SCAPER: variants seen among roughly 807,000 people sequenced by gnomAD.
The protein encoded by SCAPER is S phase cyclin A-associated protein in the endoplasmic reticulum.
In SCAPER, 98 loss-of-function variants were observed where a neutral mutation model predicts 182.2. The ratio of observed to expected loss-of-function variants is 0.54; its 90% CI spans 0.46 to 0.64. The LOEUF (loss-of-function observed/expected upper bound fraction) is 0.64. SCAPER is among the 30% of genes least tolerant of loss of function. The pLI is 0.00. For synonymous variants in SCAPER, 605 were observed against 564.6 expected (o/e 1.07, Z -1.01); for missense variants, 1,432 against 1,690.0 (o/e 0.85, Z 2.68).
intron 15 of SCAPER, among the ~76,000 whole-genome samples, chr15:76,733,637 C>A (rs1163427529): frequency 6.6e-6 from 1 of 151,844 alleles, no homozygotes; most frequent in Non-Finnish European, 1.5e-5. Context: ...GCCTGTAATC[C>A]CAGCTACTCG....
intron 23 of SCAPER, among the ~76,000 whole-genome samples, chr15:76,572,123 C>T (rs1342035749): frequency 6.6e-6 from 1 of 151,994 alleles, no homozygotes; most frequent in East Asian, 1.9e-4. Context: ...AGTAAATTGC[C>T]CCTTTGTGAA....
At chr15:76,491,662 T>C (rs1250373548) in intron 24 of SCAPER, among the ~76,000 whole-genome samples, 1 of 152,128 alleles carries the variant, frequency 6.6e-6, no homozygotes, top group Admixed American at 6.6e-5. Context: ...GAGACAATCT[T>C]GTTCTGTTGC....
intron 29 of SCAPER, among the ~76,000 whole-genome samples, chr15:76,367,457 T>C (rs2041886616): frequency 6.6e-6 from 1 of 152,214 alleles, no homozygotes; most frequent in Non-Finnish European, 1.5e-5. Flanking sequence ...GATAAAAGAT[T>C]CCTTCTGGCC....
intron 21 of SCAPER, among the ~76,000 whole-genome samples, chr15:76,651,757 A>G (rs1259014455): frequency 2.0e-5 from 3 of 151,598 alleles, no homozygotes; most frequent in Non-Finnish European, 4.4e-5. Context: ...ACCTCTCCCT[A>G]TCTCATTCTA....
chr15:76,504,826 A>G (rs536751924), intron 24 of SCAPER, 33 bp downstream of exon 24: 71 of 1,524,206 alleles, frequency 4.7e-5, no homozygotes, highest in Non-Finnish European at 5.9e-5. Flanking sequence ...TCACAAATGA[A>G]ACGTAAAAAA....
intron 17 of SCAPER, among the ~76,000 whole-genome samples, chr15:76,709,288 T>G (rs1337857153): frequency 6.6e-6 from 1 of 151,968 alleles, no homozygotes; most frequent in African/African-American, 2.4e-5. Context: ...CGTGCCACCA[T>G]GCACGCCCAG....
intron 21 of SCAPER, among the ~76,000 whole-genome samples, chr15:76,652,297 T>C (rs1167220776): frequency 1.1e-3 from 31 of 28,464 alleles, no homozygotes; most frequent in African/African-American, 3.1e-3. Flanking sequence ...TATATATATA[T>C]ATATATATAT....
At chr15:76,488,768 C>A (rs1457460867) in intron 24 of SCAPER, among the ~76,000 whole-genome samples, 1 of 109,988 alleles carries the variant, frequency 9.1e-6, no homozygotes, top group African/African-American at 3.5e-5. Flanking sequence ...CTCTTTTGCC[C>A]AGGCTGGAGT....
At chr15:76,405,680 A>G (rs1035765498) in intron 26 of SCAPER, among the ~76,000 whole-genome samples, 1 of 152,220 alleles carries the variant, frequency 6.6e-6, no homozygotes. Flanking sequence ...TAAAACTATA[A>G]AAGACCTTGT....
At chr15:76,552,922 A>G (rs533966548) in intron 23 of SCAPER, among the ~76,000 whole-genome samples, 8 of 152,254 alleles carry the variant, frequency 5.3e-5, no homozygotes, top group Admixed American at 3.3e-4. Context: ...GGCCGCTTCC[A>G]ATGTTCAACC....
chr15:76,428,866 C>CTATATATATATA (rs375991391), intron 26 of SCAPER, among the ~76,000 whole-genome samples: 1,235 of 79,820 alleles, frequency 0.015, 56 homozygotes, highest in African/African-American at 0.022. Context: ...GATCATTATA[C>CTATATATATATA]TATATATATA....
intron 14 of SCAPER, 74 bp downstream of exon 14, chr15:76,764,887 C>A: frequency 1.3e-6 from 1 of 796,202 alleles, no homozygotes; most frequent in Non-Finnish European, 2.0e-6. Context: ...TAGCTTCTCT[C>A]AGACCAGAAG....
At chr15:76,747,663 AG>A (rs1298534786) in intron 15 of SCAPER, among the ~76,000 whole-genome samples, 6 of 152,008 alleles carry the variant, frequency 3.9e-5, no homozygotes, top group Non-Finnish European at 7.4e-5. Flanking sequence ...TTCCTGCAAA[AG>A]TTCCCTCAAG....
chr15:76,665,706 C>T lies in SCAPER; in HGVS notation c.2592G>A (p.Glu864=). The change falls in exon 21 of 32, where the codon GAG becomes GAA. Residue 864 remains glutamate (E), a synonymous_variant. Coordinates refer to ENST00000563290, the MANE Select transcript of SCAPER (RefSeq NM_020843.4). The part of the protein sequence containing the change: ...APAEALKDGE[E]RQKNKKKAKK... ...TGGCTTTTTTTTTATTTTTTTGCCG[C>T]TCTTCTCCATCTTTCAAAGCTTCTG... The T allele has an allele frequency of 6.4e-7, 1 of 1,571,974 alleles. No individual in the cohort carries two copies. The highest frequency in any genetic ancestry group is 8.6e-7 in the Non-Finnish European group (1 of 1,158,536).
chr15:76,470,216 G>A (rs2050032561), intron 25 of SCAPER, among the ~76,000 whole-genome samples: 1 of 152,160 alleles, frequency 6.6e-6, no homozygotes, highest in Admixed American at 6.6e-5. Flanking sequence ...TTAGAATCTT[G>A]GAGATAGTGA....
intron 1 of SCAPER, among the ~76,000 whole-genome samples, chr15:76,902,986 G>C (rs553825633): frequency 1.1e-4 from 17 of 152,040 alleles, no homozygotes; most frequent in African/African-American, 4.1e-4. Flanking sequence ...GCTTGAACTT[G>C]GGAGGTGGAG....
intron 23 of SCAPER, among the ~76,000 whole-genome samples, chr15:76,571,175 A>C (rs2047409912): frequency 6.6e-6 from 1 of 152,300 alleles, no homozygotes; most frequent in Middle Eastern, 3.4e-3. Context: ...ATTAAGTTAT[A>C]AGCACAACTT....
intron 27 of SCAPER, among the ~76,000 whole-genome samples, chr15:76,388,886 A>T (rs2043463890): frequency 6.6e-6 from 1 of 151,308 alleles, no homozygotes; most frequent in African/African-American, 2.4e-5. Flanking sequence ...GCTTGAACCC[A>T]GGAGGTGGAG....
intron 23 of SCAPER, among the ~76,000 whole-genome samples, chr15:76,521,147 C>A (rs373336840): frequency 6.6e-6 from 1 of 152,094 alleles, no homozygotes; most frequent in African/African-American, 2.4e-5. Context: ...ATGTGAAAAT[C>A]ATCTCATTTC....
Sources: allele counts gnomAD v4.1 joint callset (sites outside exome capture counted in the v4.1 genomes callset), GRCh38; gene constraint gnomAD v4.1.1; transcripts MANE v1.5; gene names NCBI Gene and HGNC (gene_info 2026-07-23, HGNC 2026-07-21).